The following KCNB2 variants were observed in gnomAD, a reference collection of about 807,000 sequenced individuals.
The protein encoded by KCNB2 is delayed rectifier potassium channel protein.
In KCNB2, 15 loss-of-function variants were observed where a neutral mutation model predicts 61.5. That is an observed-to-expected ratio of 0.24 (90% CI 0.16 to 0.38). The LOEUF is 0.38. KCNB2 is among the 10% of genes least tolerant of loss of function. KCNB2 has a pLI of 1.00. For synonymous variants in KCNB2, 457 were observed against 446.0 expected (o/e 1.02, Z -0.31); for missense variants, 828 against 1,125.2 (o/e 0.74, Z 3.78).
At chr8:72,540,808 C>T (rs756632608) in intron 1 of KCNB2, among the ~76,000 whole-genome samples, 12 of 152,024 alleles carry the variant, frequency 7.9e-5, no homozygotes, top group African/African-American at 2.4e-4. Flanking sequence ...TTAAAAAGTG[C>T]GTATTCCTAT....
intron 2 of KCNB2, among the ~76,000 whole-genome samples, chr8:72,845,294 G>A (rs1484633725): frequency 2.0e-5 from 3 of 152,312 alleles, no homozygotes; most frequent in South Asian, 4.1e-4. Flanking sequence ...ATTGCTGCCT[G>A]TTCCTTCCTC....
At chr8:72,801,159 C>T (rs750579586) in intron 2 of KCNB2, among the ~76,000 whole-genome samples, 1 of 152,302 alleles carries the variant, frequency 6.6e-6, no homozygotes, top group Middle Eastern at 3.4e-3. Flanking sequence ...CTAAGTTTTA[C>T]TAGAGTCTTT....
intron 1 of KCNB2, among the ~76,000 whole-genome samples, chr8:72,555,463 C>T (rs954238675): frequency 2.6e-5 from 4 of 151,384 alleles, no homozygotes; most frequent in South Asian, 4.2e-4. Flanking sequence ...ATTGTAAAAC[C>T]GAATCCATCA....
At chr8:72,625,117 G>A (rs1447327688) in intron 2 of KCNB2, among the ~76,000 whole-genome samples, 1 of 152,148 alleles carries the variant, frequency 6.6e-6, no homozygotes, top group Non-Finnish European at 1.5e-5. Context: ...CAGTGAAGCC[G>A]TGTCCAGACT....
chr8:72,897,706 G>A (rs4385505), intron 2 of KCNB2, among the ~76,000 whole-genome samples: 132,176 of 152,136 alleles, frequency 0.87, 58,279 homozygotes, highest in Middle Eastern at 0.95. Flanking sequence ...GCATGCCCCC[G>A]CATTTGGGCT....
At chr8:72,742,935 G>A (rs1290566996) in intron 2 of KCNB2, among the ~76,000 whole-genome samples, 1 of 152,174 alleles carries the variant, frequency 6.6e-6, no homozygotes, top group Admixed American at 6.5e-5. Context: ...GGTTGGGGTG[G>A]AATCTATACC....
intron 2 of KCNB2, among the ~76,000 whole-genome samples, chr8:72,698,608 A>C (rs1463676392): frequency 6.6e-6 from 1 of 152,206 alleles, no homozygotes. Flanking sequence ...ACCCGACCTC[A>C]AACTATACTA....
intron 2 of KCNB2, among the ~76,000 whole-genome samples, chr8:72,666,073 T>A (rs1167831431): frequency 6.6e-6 from 1 of 152,254 alleles, no homozygotes; most frequent in Non-Finnish European, 1.5e-5. Flanking sequence ...TATTTTTTTT[T>A]AAGTAAAATC....
intron 2 of KCNB2, among the ~76,000 whole-genome samples, chr8:72,582,076 A>G (rs1021155487): frequency 2.0e-5 from 3 of 152,210 alleles, no homozygotes; most frequent in Non-Finnish European, 4.4e-5. Flanking sequence ...ATTGGTTACC[A>G]ACTCGTCTGA....
chr8:72,720,353 T>C (rs1807527383), intron 2 of KCNB2, among the ~76,000 whole-genome samples: 2 of 152,206 alleles, frequency 1.3e-5, no homozygotes, highest in Admixed American at 1.3e-4. Flanking sequence ...CTCTGCATCT[T>C]AGTCCTTGCT....
chr8:72,906,905 G>A (rs1343115649), intron 2 of KCNB2, among the ~76,000 whole-genome samples: 1 of 152,178 alleles, frequency 6.6e-6, no homozygotes, highest in Non-Finnish European at 1.5e-5. Flanking sequence ...ACTGCCATAA[G>A]AACATTTCCA....
chr8:72,672,931 T>G (rs1446871757), intron 2 of KCNB2, among the ~76,000 whole-genome samples: 1 of 152,206 alleles, frequency 6.6e-6, no homozygotes, highest in Non-Finnish European at 1.5e-5. Flanking sequence ...TTAGAACTCT[T>G]GTGCCTTGCT....
chr8:72,596,808 G>A (rs1209198406), intron 2 of KCNB2, among the ~76,000 whole-genome samples: 1 of 151,920 alleles, frequency 6.6e-6, no homozygotes, highest in Non-Finnish European at 1.5e-5. Context: ...CATGAACTTT[G>A]GCTACTTTTT....
chr8:72,734,979 T>G (rs1224532522), intron 2 of KCNB2, among the ~76,000 whole-genome samples: 1 of 152,190 alleles, frequency 6.6e-6, no homozygotes, highest in Non-Finnish European at 1.5e-5. Context: ...AGGGGGAATT[T>G]GATAGGTGGC....
chr8:72,907,207 A>C (rs1806193878), intron 2 of KCNB2, among the ~76,000 whole-genome samples: 1 of 152,128 alleles, frequency 6.6e-6, no homozygotes, highest in Non-Finnish European at 1.5e-5. Flanking sequence ...AATTACAAAA[A>C]TTAGCTGGGC....
At chr8:72,838,431 A>G (rs1051699928) in intron 2 of KCNB2, among the ~76,000 whole-genome samples, 1 of 152,194 alleles carries the variant, frequency 6.6e-6, no homozygotes, top group South Asian at 2.1e-4. Flanking sequence ...GTCCCTGCAA[A>G]GGACATGAAC....
intron 2 of KCNB2, among the ~76,000 whole-genome samples, chr8:72,637,021 TCTTGC>T (rs200941600): frequency 0.014 from 2,149 of 152,216 alleles, 43 homozygotes; most frequent in African/African-American, 0.049. Context: ...TGGTTGATGC[TCTTGC>T]CTTGAGTGTA....
chr8:72,726,025 C>T (rs1490055597), intron 2 of KCNB2, among the ~76,000 whole-genome samples: 2 of 152,164 alleles, frequency 1.3e-5, no homozygotes, highest in African/African-American at 4.8e-5. Context: ...ACAACCTAAA[C>T]ATCTACTGTG....
chr8:72,559,483 G>A (rs924320322), intron 1 of KCNB2, among the ~76,000 whole-genome samples: 4 of 152,086 alleles, frequency 2.6e-5, no homozygotes, highest in African/African-American at 9.7e-5. Flanking sequence ...GAAGCCGTGA[G>A]AGCATCTTCT....
Sources: gnomAD v4.1 joint callset for allele counts (sites outside exome capture counted in the v4.1 genomes callset) on GRCh38, gnomAD v4.1.1 for gene constraint, MANE v1.5 for transcripts, NCBI Gene and HGNC (gene_info 2026-07-23, HGNC 2026-07-21) for gene names.